Variants in CHM observed in about 807,000 individuals in gnomAD.
The protein encoded by CHM is CHM Rab escort protein.
CHM carries 10 observed loss-of-function variants against 49.0 expected under a neutral mutation model. The observed-to-expected ratio is 0.20, with a 90% CI of 0.13 to 0.35. CHM has a LOEUF of 0.35. CHM is among the 10% of genes least tolerant of loss of function. The probability of loss-of-function intolerance (pLI) is 1.00; values close to 1 mark genes in which losing one functional copy is unlikely to be tolerated. For synonymous variants in CHM, 184 were observed against 167.5 expected (o/e 1.10, Z -0.76); for missense variants, 455 against 478.4 (o/e 0.95, Z 0.46).
At chrX:86,008,004 A>C (rs1220827456) in intron 2 of CHM, among the ~76,000 whole-genome samples, 2 of 112,062 alleles carry the variant, frequency 1.8e-5, no homozygotes, top group East Asian at 5.6e-4. Context: ...CTTGGAACCC[A>C]CCCAAATGTC....
At chrX:85,905,934 T>G (rs1433633966) in intron 9 of CHM, among the ~76,000 whole-genome samples, 1 of 111,891 alleles carries the variant, frequency 8.9e-6, no homozygotes, top group Non-Finnish European at 1.9e-5. Flanking sequence ...GGGCCAGATC[T>G]GCATACCGAA....
chrX:86,015,752 T>C (rs779406567), intron 2 of CHM, among the ~76,000 whole-genome samples: 1 of 112,521 alleles, frequency 8.9e-6, no homozygotes, highest in South Asian at 3.7e-4. Flanking sequence ...ATTTTGCCCA[T>C]GCCCTAGAGA....
At chrX:85,903,607 G>A (rs1603245571) in intron 9 of CHM, 1 of 386,149 alleles carries the variant, frequency 2.6e-6, no homozygotes, top group Middle Eastern at 4.4e-4. Context: ...CTAAAGAAAC[G>A]GTGATTCTCA....
chrX:85,981,611 A>G (rs1347698182), intron 3 of CHM, 126 bp downstream of exon 3: 1 of 507,029 alleles, frequency 2.0e-6, no homozygotes, highest in Non-Finnish European at 3.3e-6. Flanking sequence ...TTTTTGTAAA[A>G]TAAGTGAATA....
chrX:85,973,300 CAAAAAAAAAAAAAAAAAAAAAA>C (rs58103002), intron 4 of CHM, among the ~76,000 whole-genome samples: 2 of 16,338 alleles, frequency 1.2e-4, no homozygotes. Flanking sequence ...TCTGTCTCGA[CAAAAAAAAAAAAAAAAAAAAAA>C]AAAAAAAAAG....
intron 1 of CHM, among the ~76,000 whole-genome samples, chrX:86,028,799 G>A (rs976191003): frequency 1.8e-5 from 2 of 110,848 alleles, no homozygotes; most frequent in African/African-American, 6.6e-5. Flanking sequence ...GTGCTACTAC[G>A]AACTCCTTCA....
At chrX:86,014,307 GC>G (rs1027342807) in intron 2 of CHM, among the ~76,000 whole-genome samples, 5 of 111,364 alleles carry the variant, frequency 4.5e-5, no homozygotes, top group Non-Finnish European at 9.4e-5. Context: ...ATTTCAAGTG[GC>G]AAAACAAGTC....
intron 8 of CHM, among the ~76,000 whole-genome samples, chrX:85,917,830 G>C (rs764538445): frequency 1.8e-5 from 2 of 109,708 alleles, no homozygotes; most frequent in Non-Finnish European, 3.8e-5. Flanking sequence ...CAGAATTTGA[G>C]GAGTGATGCT....
chrX:85,956,617 T>TA (rs1003526196), intron 7 of CHM, among the ~76,000 whole-genome samples: 2 of 111,132 alleles, frequency 1.8e-5, no homozygotes, highest in African/African-American at 3.3e-5. Context: ...TTCATGGATT[T>TA]AAAAAAAACT....
intron 9 of CHM, among the ~76,000 whole-genome samples, chrX:85,902,082 CTG>C (rs1265555715): frequency 8.9e-6 from 1 of 111,860 alleles, no homozygotes; most frequent in Non-Finnish European, 1.9e-5. Flanking sequence ...ATGCAAATGA[CTG>C]TGTGTTTGCT....
At chrX:85,941,781 T>C (rs1435430063) in intron 8 of CHM, among the ~76,000 whole-genome samples, 3 of 111,474 alleles carry the variant, frequency 2.7e-5, no homozygotes, top group African/African-American at 9.8e-5. Context: ...CGCTGATTCC[T>C]AACTTAGATT....
intron 2 of CHM, among the ~76,000 whole-genome samples, chrX:86,010,268 G>A (rs1179299374): frequency 2.0e-5 from 2 of 102,370 alleles, no homozygotes; most frequent in Admixed American, 2.2e-4. Flanking sequence ...ATGAGTTGAT[G>A]GGTGCAGCAA....
chrX:85,969,352 A>C, intron 4 of CHM: 1 of 739,114 alleles, frequency 1.4e-6, no homozygotes, highest in Non-Finnish European at 1.6e-6. Flanking sequence ...GAATAACTTG[A>C]GTTTGTGTGA....
At chrX:85,915,233 C>T (rs5967645) in intron 8 of CHM, among the ~76,000 whole-genome samples, 18,805 of 110,754 alleles carry the variant, frequency 0.17, 1,535 homozygotes, top group Non-Finnish European at 0.25. Flanking sequence ...GTATCAAAGA[C>T]TTTCAATAAA....
At chrX:85,991,636 A>G (rs1932193499) in intron 2 of CHM, among the ~76,000 whole-genome samples, 1 of 112,030 alleles carries the variant, frequency 8.9e-6, no homozygotes, top group African/African-American at 3.2e-5. Flanking sequence ...CAACAAAAAA[A>G]GATTTGTTTA....
intron 8 of CHM, among the ~76,000 whole-genome samples, chrX:85,948,273 G>A (rs1254820304): frequency 4.5e-5 from 5 of 111,942 alleles, no homozygotes; most frequent in Non-Finnish European, 7.5e-5. Flanking sequence ...TATTGTGAGC[G>A]TTTTAAAGTC....
At chrX:86,030,551 C>T (rs1415105619) in intron 1 of CHM, among the ~76,000 whole-genome samples, 2 of 111,213 alleles carry the variant, frequency 1.8e-5, no homozygotes, top group Non-Finnish European at 3.8e-5. Context: ...TGAGAGGTTG[C>T]CATACGTTTT....
At chrX:85,970,954 C>T (rs1930863617) in intron 4 of CHM, 43 of 711,887 alleles carry the variant, frequency 6.0e-5, no homozygotes, top group Non-Finnish European at 7.0e-5. Flanking sequence ...GCCTGTTTTG[C>T]AATACCCAAC....
At chrX:85,928,449 A>G (rs1415998701) in intron 8 of CHM, among the ~76,000 whole-genome samples, 1 of 111,149 alleles carries the variant, frequency 9.0e-6, no homozygotes, top group East Asian at 2.8e-4. Context: ...AGGCTGAGGC[A>G]GGAGAATCTC....
Sources: allele counts gnomAD v4.1 joint callset (sites outside exome capture counted in the v4.1 genomes callset), GRCh38; gene constraint gnomAD v4.1.1; transcripts MANE v1.5; gene names NCBI Gene and HGNC (gene_info 2026-07-23, HGNC 2026-07-21).